Variants in ETFA observed in about 807,000 individuals in gnomAD.
ETFA encodes electron transfer flavoprotein subunit alpha.
ETFA carries 22 observed loss-of-function variants against 46.2 expected under a neutral mutation model. The ratio of observed to expected loss-of-function variants is 0.48; its 90% CI spans 0.34 to 0.68. ETFA has a LOEUF of 0.68. ETFA is among the 30% of genes least tolerant of loss of function. The probability of loss-of-function intolerance (pLI) is 0.01; values close to 1 mark genes in which losing one functional copy is unlikely to be tolerated. For synonymous variants in ETFA, 131 were observed against 139.9 expected (o/e 0.94, Z 0.45); for missense variants, 345 against 401.1 (o/e 0.86, Z 1.19).
chr15:76,216,402 C>G lies in ETFA; in HGVS notation c.*157G>C. 1.6e-6 allele frequency: 1 copy of G among 606,072 alleles called. No individual in the cohort carries two copies. Among genetic ancestry groups the G allele is most frequent in the Non-Finnish European group, 2.9e-6 (1 of 340,532 alleles). 37.5% of individuals were successfully genotyped at this position (606,072 alleles called of 1,614,324 possible). ...AATAATTAAAAGGAAACACAGCAAT[C>G]CCATAAACAAGCATTCTGGCATCTG... On this transcript the variant is annotated 3_prime_UTR_variant, in exon 12 of 12. Transcript: ENST00000557943.
chr15:76,227,131 C>CTATAA (rs1277439926), intron 10 of ETFA, among the ~76,000 whole-genome samples: 1 of 152,108 alleles, frequency 6.6e-6, no homozygotes, highest in Non-Finnish European at 1.5e-5. Flanking sequence ...GGCATGGTAA[C>CTATAA]TCATACCTAT....
intron 2 of ETFA, among the ~76,000 whole-genome samples, chr15:76,293,831 C>G (rs897726637): frequency 6.6e-6 from 1 of 152,224 alleles, no homozygotes; most frequent in African/African-American, 2.4e-5. Flanking sequence ...ACCATTTGTA[C>G]TACAGAGGCC....
intron 1 of ETFA, 114 bp downstream of exon 1, chr15:76,311,236 G>A: frequency 7.8e-7 from 1 of 1,278,300 alleles, no homozygotes; most frequent in Non-Finnish European, 1.1e-6. Flanking sequence ...GGACCGGCCT[G>A]CGGGCGCGAG....
chr15:76,251,208 G>A (rs930017880), intron 9 of ETFA, among the ~76,000 whole-genome samples: 4 of 152,078 alleles, frequency 2.6e-5, no homozygotes, highest in Admixed American at 1.3e-4. Flanking sequence ...TCGGAGGATG[G>A]GGTAACTAAT....
chr15:76,216,649 T>C (rs1385225133), intron 11 of ETFA, 52 bp from the exon 12 acceptor site: 3 of 1,140,790 alleles, frequency 2.6e-6, no homozygotes, highest in East Asian at 4.7e-5. Context: ...CACTGTGATA[T>C]GGTCACAGCT....
At chr15:76,232,001 TACAC>T (rs367863036) in intron 9 of ETFA, among the ~76,000 whole-genome samples, 1 of 149,432 alleles carries the variant, frequency 6.7e-6, no homozygotes, top group Non-Finnish European at 1.5e-5. Context: ...CACGTACACA[TACAC>T]ACACACACAC....
At chr15:76,288,716 G>GAAA (rs201904436) in intron 4 of ETFA, among the ~76,000 whole-genome samples, 3 of 116,798 alleles carry the variant, frequency 2.6e-5, no homozygotes, top group African/African-American at 9.4e-5. Flanking sequence ...TGCCTCAAAA[G>GAAA]AAAAAAAAAA....
At chr15:76,225,118 T>C (rs776639464) in intron 11 of ETFA, among the ~76,000 whole-genome samples, 3 of 152,128 alleles carry the variant, frequency 2.0e-5, no homozygotes, top group Admixed American at 2.0e-4. Flanking sequence ...GGGTGCCTAC[T>C]CTCCCCTGAA....
chr15:76,293,070 G>A (rs1361053334), intron 2 of ETFA, among the ~76,000 whole-genome samples: 1 of 152,218 alleles, frequency 6.6e-6, no homozygotes, highest in African/African-American at 2.4e-5. Flanking sequence ...CCAGGAGGCG[G>A]AGGTTACAGT....
intron 8 of ETFA, among the ~76,000 whole-genome samples, chr15:76,280,825 T>C (rs2039641013): frequency 6.6e-6 from 1 of 151,952 alleles, no homozygotes; most frequent in African/African-American, 2.4e-5. Flanking sequence ...ACAGGCTCTG[T>C]GCACTTTACT....
chr15:76,257,115 A>T (rs201868100), intron 9 of ETFA, among the ~76,000 whole-genome samples: 2 of 152,182 alleles, frequency 1.3e-5, no homozygotes, highest in East Asian at 3.8e-4. Flanking sequence ...TTAAACAGCA[A>T]CTAACAGCTT....
rs1437497458 is a variant in ETFA, at chr15:76,280,817, AG to A, written c.733+2939del. On this transcript the variant is annotated intron_variant, in intron 8 of 11. Coordinates refer to ENST00000557943, the MANE Select transcript of ETFA (RefSeq NM_000126.4). ...GGCCAGATGTGTTCCTGCGTTAGAC[AG>A]GCTCTGTGCACTTTACTAGTTGCTC... Among the ~76,000 whole-genome samples the A allele has an allele frequency of 1.1e-4, 16 of 151,816 alleles. 1 individual carries two copies. Among genetic ancestry groups the A allele is most frequent in the African/African-American group, 3.4e-4 (14 of 41,352 alleles).
intron 1 of ETFA, among the ~76,000 whole-genome samples, chr15:76,299,440 T>G (rs918224764): frequency 6.6e-6 from 1 of 152,130 alleles, no homozygotes; most frequent in Non-Finnish European, 1.5e-5. Flanking sequence ...CACGCCACCA[T>G]GTCCAGCCAA....
At chr15:76,239,431 G>C (rs933053238) in intron 9 of ETFA, among the ~76,000 whole-genome samples, 2 of 152,050 alleles carry the variant, frequency 1.3e-5, no homozygotes, top group African/African-American at 4.8e-5. Context: ...CAAATCTTAA[G>C]TATACAATCC....
chr15:76,297,335 T>C (rs2039834895), intron 1 of ETFA, among the ~76,000 whole-genome samples: 1 of 151,876 alleles, frequency 6.6e-6, no homozygotes, highest in Admixed American at 6.5e-5. Flanking sequence ...AAGAGCATCA[T>C]ATTTTGGAAA....
At chr15:76,305,327 C>A (rs1301682736) in intron 1 of ETFA, among the ~76,000 whole-genome samples, 1 of 152,222 alleles carries the variant, frequency 6.6e-6, no homozygotes, top group Admixed American at 6.5e-5. Context: ...ACCTCTCTGG[C>A]ACACAGTTGG....
chr15:76,265,775 G>A (rs1175830665), intron 9 of ETFA, among the ~76,000 whole-genome samples: 1 of 152,060 alleles, frequency 6.6e-6, no homozygotes, highest in Non-Finnish European at 1.5e-5. Context: ...TGATATTAGT[G>A]GACAAATGAT....
intron 6 of ETFA, 96 bp from the exon 7 acceptor site, chr15:76,285,834 G>C (rs1170115184): frequency 2.4e-6 from 2 of 827,644 alleles, no homozygotes; most frequent in East Asian, 2.6e-5. Context: ...ATAATTCCAC[G>C]AAATTTAAGT....
intron 9 of ETFA, chr15:76,260,157 T>C: frequency 1.4e-6 from 2 of 1,451,510 alleles, no homozygotes; most frequent in Non-Finnish European, 1.9e-6. Context: ...CAGGGTGAAC[T>C]GCTGCTCTGG....
Sources: gnomAD v4.1 joint callset for allele counts (sites outside exome capture counted in the v4.1 genomes callset) on GRCh38, gnomAD v4.1.1 for gene constraint, MANE v1.5 for transcripts, NCBI Gene and HGNC (gene_info 2026-07-23, HGNC 2026-07-21) for gene names.